The following ZNF503 variants were observed in gnomAD, a reference collection of about 807,000 sequenced individuals.
The protein encoded by ZNF503 is zinc finger protein 503, also known as NocA-like zinc finger 2.
In ZNF503, 15 loss-of-function variants were observed where a neutral mutation model predicts 34.4. The ratio of observed to expected loss-of-function variants is 0.44; its 90% CI spans 0.29 to 0.67. The LOEUF (loss-of-function observed/expected upper bound fraction) is 0.67. Ranked by LOEUF, ZNF503 falls within the 30% of genes least tolerant of loss-of-function variation. The probability of loss-of-function intolerance (pLI) is 0.13; values close to 1 mark genes in which losing one functional copy is unlikely to be tolerated. For missense variants in ZNF503, 1,007 were observed against 926.8 expected (o/e 1.09, Z -1.12); for synonymous variants, 580 against 456.8 (o/e 1.27, Z -3.44).
the ZNF503 span, among the ~76,000 whole-genome samples, chr10:75,376,833 A>AT: frequency 6.6e-6 from 1 of 152,134 alleles, no homozygotes; most frequent in African/African-American, 2.4e-5. Context: ...AGCTCCTTAT[A>AT]AAACCATCAG....
chr10:75,315,019 A>G, the ZNF503 span, among the ~76,000 whole-genome samples: 2 of 152,270 alleles, frequency 1.3e-5, no homozygotes, highest in Admixed American at 1.3e-4. Context: ...ATGATGGTGT[A>G]TAAATTACTT....
the ZNF503 span, among the ~76,000 whole-genome samples, chr10:75,287,028 G>A: frequency 1.3e-5 from 2 of 152,160 alleles, no homozygotes; most frequent in African/African-American, 4.8e-5. Flanking sequence ...CATGACCCTG[G>A]AATCTGCAGG....
At chr10:75,378,756 G>A in the ZNF503 span, among the ~76,000 whole-genome samples, 2 of 152,092 alleles carry the variant, frequency 1.3e-5, no homozygotes, top group African/African-American at 2.4e-5. Flanking sequence ...CAGAACACAA[G>A]CACAGATGCA....
chr10:75,323,245 A>G, the ZNF503 span, among the ~76,000 whole-genome samples: 1 of 152,218 alleles, frequency 6.6e-6, no homozygotes, highest in Non-Finnish European at 1.5e-5. Flanking sequence ...TGGTTGCACT[A>G]TATAATGTTT....
chr10:75,304,780 G>GA, the ZNF503 span, among the ~76,000 whole-genome samples: 4 of 152,152 alleles, frequency 2.6e-5, no homozygotes, highest in East Asian at 1.9e-4. Context: ...AAAGATTGGA[G>GA]AAAAAAATCA....
chr10:75,400,248 C>T lies in ZNF503; in HGVS notation c.442G>A (p.Gly148Ser), dbSNP rs986810449. The T allele has an allele frequency of 5.0e-6, 8 of 1,612,018 alleles. No homozygotes were observed. In the South Asian group the frequency reaches 6.6e-5, roughly 13 times the overall value. ...TCCTTGTCGCCCGCAGCACCGCCGC[C>T]GGCACCGCCCGCGCCGCCCCCGTTG... The part of the protein sequence containing the change: ...ASNGGGAGGA[G>S]GGAAGDKDTK... Residue 148 changes from glycine to serine, a missense_variant, in exon 2 of 2, where the codon GGC becomes AGC. Coordinates refer to ENST00000372524, the MANE Select transcript of ZNF503 (RefSeq NM_032772.6).
In ZNF503 at chr10:75,399,748, T is replaced by C; in HGVS notation, c.942A>G (p.Ser314=). 3 of 1,593,616 alleles carry C rather than the reference T, an allele frequency of 1.9e-6. No homozygotes were observed. The highest frequency in any genetic ancestry group is 1.1e-5 in the South Asian group (1 of 89,726). ...GGCCGGAGCCGGAGCTGGAGCCCGA[T>C]GAACCGCCGCAGTCCGAGCCCAGAG... is the stretch of plus-strand genomic sequence containing the variant. ...GKALGSDCGG[S]SGSSSGSGPS... The change falls in exon 2 of 2, where the codon TCA becomes TCG. Residue 314 remains serine (S), a synonymous_variant. Transcript: ENST00000372524.
the ZNF503 span, among the ~76,000 whole-genome samples, chr10:75,330,966 G>T: frequency 6.6e-6 from 1 of 151,860 alleles, no homozygotes; most frequent in Non-Finnish European, 1.5e-5. Context: ...CTACTTTTTT[G>T]ATGTTGGGAT....
the ZNF503 span, among the ~76,000 whole-genome samples, chr10:75,294,502 A>T: frequency 1.3e-5 from 2 of 152,108 alleles, no homozygotes; most frequent in Non-Finnish European, 2.9e-5. Context: ...ATGGGTGAAA[A>T]GTCACAAATT....
chr10:75,288,943 C>T, the ZNF503 span, among the ~76,000 whole-genome samples: 1 of 152,264 alleles, frequency 6.6e-6, no homozygotes, highest in South Asian at 2.1e-4. Flanking sequence ...GCTGATCTGG[C>T]TTTGTCAGCA....
chr10:75,322,711 C>G, the ZNF503 span, among the ~76,000 whole-genome samples: 60 of 152,100 alleles, frequency 3.9e-4, no homozygotes, highest in East Asian at 0.011. Context: ...CATGGTGGTG[C>G]ATACCTGTAG....
At chr10:75,338,924 C>G in the ZNF503 span, among the ~76,000 whole-genome samples, 227 of 152,296 alleles carry the variant, frequency 1.5e-3, no homozygotes, top group African/African-American at 5.3e-3. Context: ...GCCTCCCTCT[C>G]TTTATTGAAA....
the ZNF503 span, among the ~76,000 whole-genome samples, chr10:75,323,622 T>G: frequency 6.6e-6 from 1 of 152,200 alleles, no homozygotes; most frequent in Non-Finnish European, 1.5e-5. Context: ...AATGACTAAT[T>G]GTGTTGAGCA....
At chr10:75,364,941 G>A in the ZNF503 span, among the ~76,000 whole-genome samples, 11 of 152,300 alleles carry the variant, frequency 7.2e-5, no homozygotes, top group East Asian at 1.4e-3. Flanking sequence ...ATGGATGATA[G>A]CACCATAAAA....
chr10:75,355,381 C>T, the ZNF503 span, among the ~76,000 whole-genome samples: 1 of 152,198 alleles, frequency 6.6e-6, no homozygotes, highest in Non-Finnish European at 1.5e-5. Flanking sequence ...ATTCAGAGTC[C>T]TTGCATCAAG....
chr10:75,393,317 G>T (rs1359719719), downstream of ZNF503, among the ~76,000 whole-genome samples: 4 of 152,250 alleles, frequency 2.6e-5, no homozygotes, highest in South Asian at 6.2e-4. Flanking sequence ...AGTTCACAGA[G>T]CCTCAACCCA....
chr10:75,342,256 C>T, the ZNF503 span, among the ~76,000 whole-genome samples: 11 of 152,156 alleles, frequency 7.2e-5, no homozygotes, highest in Non-Finnish European at 1.3e-4. Context: ...GTCCCTTCCT[C>T]CAGACAGACG....
the ZNF503 span, among the ~76,000 whole-genome samples, chr10:75,356,800 G>A: frequency 2.0e-5 from 3 of 152,170 alleles, no homozygotes; most frequent in Non-Finnish European, 4.4e-5. Flanking sequence ...AGCCTCCTGG[G>A]AAACATTGCT....
the ZNF503 span, among the ~76,000 whole-genome samples, chr10:75,339,460 T>G: frequency 6.6e-6 from 1 of 152,196 alleles, no homozygotes; most frequent in Non-Finnish European, 1.5e-5. Flanking sequence ...TCCAAAACAC[T>G]TATTAGCTCA....
Sources: allele counts gnomAD v4.1 joint callset (sites outside exome capture counted in the v4.1 genomes callset), GRCh38; gene constraint gnomAD v4.1.1; transcripts MANE v1.5; gene names NCBI Gene and HGNC (gene_info 2026-07-23, HGNC 2026-07-21).